The following PABPC4L variants were observed in gnomAD, a reference collection of about 807,000 sequenced individuals.
PABPC4L encodes the protein poly(A) binding protein cytoplasmic 4 like, also known as polyadenylate-binding protein 4-like.
For missense variants in PABPC4L, 452 were observed against 451.4 expected (o/e 1.00, Z -0.01); for synonymous variants, 169 against 164.1 (o/e 1.03, Z -0.23).
the PABPC4L span, among the ~76,000 whole-genome samples, chr4:134,046,337 C>T: frequency 6.6e-6 from 1 of 152,128 alleles, no homozygotes; most frequent in Admixed American, 6.6e-5. Flanking sequence ...CTTCTCTCCA[C>T]CCAAACATCT....
At chr4:134,186,542 CA>C in the PABPC4L span, among the ~76,000 whole-genome samples, 4 of 152,186 alleles carry the variant, frequency 2.6e-5, no homozygotes, top group African/African-American at 9.6e-5. Flanking sequence ...AAAATTAATT[CA>C]AAATGGATTA....
chr4:134,078,520 G>T, the PABPC4L span, among the ~76,000 whole-genome samples: 1 of 152,102 alleles, frequency 6.6e-6, no homozygotes, highest in Non-Finnish European at 1.5e-5. Context: ...ATGGGCTAAT[G>T]TTGGTCAGAG....
the PABPC4L span, among the ~76,000 whole-genome samples, chr4:134,061,966 T>C: frequency 6.6e-6 from 1 of 151,806 alleles, no homozygotes; most frequent in Non-Finnish European, 1.5e-5. Flanking sequence ...GGATGACAGT[T>C]ATGCATCAAG....
chr4:134,156,611 A>G, the PABPC4L span, among the ~76,000 whole-genome samples: 4 of 152,080 alleles, frequency 2.6e-5, no homozygotes, highest in South Asian at 8.3e-4. Flanking sequence ...AATATAGTGT[A>G]AACTATAAAT....
chr4:134,074,642 C>T, the PABPC4L span, among the ~76,000 whole-genome samples: 1 of 152,080 alleles, frequency 6.6e-6, no homozygotes, highest in South Asian at 2.1e-4. Context: ...GAGAAATACC[C>T]AACACTGGGT....
the PABPC4L span, among the ~76,000 whole-genome samples, chr4:134,146,262 T>C: frequency 1.3e-5 from 2 of 151,958 alleles, no homozygotes; most frequent in African/African-American, 2.4e-5. Flanking sequence ...TCATGTCTAA[T>C]GTCCATATTA....
the PABPC4L span, among the ~76,000 whole-genome samples, chr4:134,019,584 T>A: frequency 6.6e-6 from 1 of 152,104 alleles, no homozygotes; most frequent in South Asian, 2.1e-4. Flanking sequence ...AAAATAAATA[T>A]CTGATTATTC....
chr4:134,079,292 A>T, the PABPC4L span, among the ~76,000 whole-genome samples: 1 of 150,914 alleles, frequency 6.6e-6, no homozygotes, highest in African/African-American at 2.4e-5. Flanking sequence ...TTTTAAAAAA[A>T]ATTGTGCAGC....
chr4:134,158,980 G>A, the PABPC4L span, among the ~76,000 whole-genome samples: 23 of 152,084 alleles, frequency 1.5e-4, no homozygotes, highest in Non-Finnish European at 3.1e-4. Flanking sequence ...CAGTATTTGT[G>A]TATCTAAACA....
At chr4:134,176,543 G>C in the PABPC4L span, among the ~76,000 whole-genome samples, 3 of 152,068 alleles carry the variant, frequency 2.0e-5, no homozygotes, top group Non-Finnish European at 4.4e-5. Context: ...ATCAGATTTA[G>C]GGTGAGGCCA....
the PABPC4L span, among the ~76,000 whole-genome samples, chr4:134,187,393 G>A: frequency 6.6e-6 from 1 of 151,918 alleles, no homozygotes; most frequent in Non-Finnish European, 1.5e-5. Context: ...GTCCTTTGTA[G>A]GGACATGGAT....
chr4:133,961,852 G>T, the PABPC4L span, among the ~76,000 whole-genome samples: 2 of 152,244 alleles, frequency 1.3e-5, no homozygotes, highest in South Asian at 2.1e-4. Context: ...GCTCACCATT[G>T]TTCCTGCCTG....
chr4:134,014,165 T>A, the PABPC4L span, among the ~76,000 whole-genome samples: 27 of 152,238 alleles, frequency 1.8e-4, no homozygotes, highest in African/African-American at 5.1e-4. Context: ...TTATTCTCAA[T>A]ATACATTTTA....
the PABPC4L span, among the ~76,000 whole-genome samples, chr4:134,167,846 A>G: frequency 1.3e-5 from 2 of 152,218 alleles, no homozygotes; most frequent in East Asian, 3.9e-4. Context: ...ATAGTTGAGA[A>G]CTTCAACACT....
the PABPC4L span, among the ~76,000 whole-genome samples, chr4:134,114,032 G>A: frequency 6.6e-6 from 1 of 151,768 alleles, no homozygotes. Flanking sequence ...GAAATACTTT[G>A]GAGGACAGGC....
the PABPC4L span, among the ~76,000 whole-genome samples, chr4:134,116,410 T>C: frequency 6.6e-6 from 1 of 151,844 alleles, no homozygotes; most frequent in Admixed American, 6.6e-5. Flanking sequence ...TTTTAAGTTA[T>C]AGCTCTTTGA....
chr4:134,040,943 C>G, the PABPC4L span, among the ~76,000 whole-genome samples: 1 of 152,192 alleles, frequency 6.6e-6, no homozygotes, highest in East Asian at 1.9e-4. Context: ...CAAAAGAAGA[C>G]ATTTATGTAG....
At chr4:134,055,782 A>T in the PABPC4L span, among the ~76,000 whole-genome samples, 1 of 151,714 alleles carries the variant, frequency 6.6e-6, no homozygotes, top group African/African-American at 2.4e-5. Flanking sequence ...TTGTCTTTTC[A>T]TCTTAATAGA....
rs940178076 is a variant in PABPC4L, at chr4:134,201,095, G to T, written c.-76C>A. On this transcript the variant is annotated 5_prime_UTR_variant, in exon 2 of 2. The change creates a new upstream start codon in the 5' untranslated region. Coordinates refer to ENST00000421491, the MANE Select transcript of PABPC4L (RefSeq NM_001114734.2). ...CCCTGTGGGGGGATACTAGGTCACA[G>T]CTTTGGCCCGGTTCAAGTGTGGAGG... The T allele has an allele frequency of 1.3e-6, 2 of 1,551,006 alleles. No homozygotes were observed. Among genetic ancestry groups the T allele is most frequent in the Non-Finnish European group, 1.7e-6 (2 of 1,146,928 alleles).
Sources: gnomAD v4.1 joint callset for allele counts (sites outside exome capture counted in the v4.1 genomes callset) on GRCh38, gnomAD v4.1.1 for gene constraint, MANE v1.5 for transcripts, NCBI Gene and HGNC (gene_info 2026-07-23, HGNC 2026-07-21) for gene names.